Variants in APP observed in about 807,000 individuals in gnomAD.
The protein encoded by APP is amyloid-beta precursor protein.
In APP, 31 loss-of-function variants were observed where a neutral mutation model predicts 101.4. The observed-to-expected ratio is 0.31, with a 90% CI of 0.23 to 0.41. The LOEUF is 0.41. Among genes scored for constraint, APP ranks in the 10% least tolerant of loss-of-function variants. The pLI is 1.00. For missense variants in APP, 839 were observed against 1,003.7 expected (o/e 0.84, Z 2.22); for synonymous variants, 366 against 364.4 (o/e 1.00, Z -0.05).
intron 13 of APP, among the ~76,000 whole-genome samples, chr21:25,930,208 C>T (rs1322491378): frequency 2.6e-5 from 4 of 152,120 alleles, no homozygotes; most frequent in African/African-American, 4.8e-5. Context: ...TTCAGTGAGT[C>T]GTGTCCCTAA....
chr21:26,134,350 G>T (rs1169372578), intron 1 of APP, among the ~76,000 whole-genome samples: 1 of 152,196 alleles, frequency 6.6e-6, no homozygotes, highest in Non-Finnish European at 1.5e-5. Flanking sequence ...GCCCCAGGTT[G>T]TAGCCTGTGC....
At position 26,148,095 on chromosome 21, in the gene APP, CT is replaced by C. The variant is rs372914139; in HGVS notation, c.57+22468del. On this transcript the variant is annotated intron_variant, in intron 1 of 17. Transcript: ENST00000346798. ...TTTAGGAGAAGGATATTGATTCTCC[CT>C]GAGGCATGAGCATTACCCACCATTT... 2.8e-3 allele frequency among the ~76,000 whole-genome samples: 422 copies of C among 152,264 alleles called. 1 individual carries two copies. The highest frequency in any genetic ancestry group is 9.9e-3 in the African/African-American group (412 of 41,556).
At chr21:26,135,673 G>A (rs543454041) in intron 1 of APP, among the ~76,000 whole-genome samples, 3 of 152,264 alleles carry the variant, frequency 2.0e-5, no homozygotes, top group Admixed American at 6.5e-5. Context: ...TTAAATGCAA[G>A]CCCTAGCTGG....
intron 3 of APP, chr21:26,089,707 T>C (rs2061780703): frequency 2.3e-6 from 1 of 435,158 alleles, no homozygotes; most frequent in Non-Finnish European, 4.0e-6. Flanking sequence ...GCCCAGGAAT[T>C]TGTAATTTCA....
chr21:26,160,263 C>T (rs1489798397), intron 1 of APP, among the ~76,000 whole-genome samples: 1 of 152,202 alleles, frequency 6.6e-6, no homozygotes, highest in Non-Finnish European at 1.5e-5. Context: ...CTCCACAATT[C>T]AACTAGCAGC....
At chr21:25,966,470 T>C (rs1418441233) in intron 11 of APP, among the ~76,000 whole-genome samples, 1 of 152,214 alleles carries the variant, frequency 6.6e-6, no homozygotes, top group East Asian at 1.9e-4. Flanking sequence ...CCTGGCAGTC[T>C]TTCAACTTTT....
At chr21:26,123,965 T>C (rs1162559376) in intron 1 of APP, among the ~76,000 whole-genome samples, 1 of 151,774 alleles carries the variant, frequency 6.6e-6, no homozygotes, top group Non-Finnish European at 1.5e-5. Flanking sequence ...ATTTCTAGTA[T>C]ATAGAGCAAG....
At chr21:26,158,523 G>A (rs1161399310) in intron 1 of APP, among the ~76,000 whole-genome samples, 1 of 152,064 alleles carries the variant, frequency 6.6e-6, no homozygotes, top group Non-Finnish European at 1.5e-5. Context: ...GTCACTATCT[G>A]GCCCATGAGA....
At chr21:26,141,824 T>A (rs1298577398) in intron 1 of APP, among the ~76,000 whole-genome samples, 1 of 152,214 alleles carries the variant, frequency 6.6e-6, no homozygotes, top group Non-Finnish European at 1.5e-5. Context: ...TATCAACAGT[T>A]ATTACATCAA....
chr21:25,907,600 C>A (rs1459136494), intron 14 of APP, among the ~76,000 whole-genome samples: 1 of 152,196 alleles, frequency 6.6e-6, no homozygotes. Context: ...ATGAGTTATT[C>A]TCTTGCTCTC....
chr21:25,892,046 T>TAAAAAAAAAAAA, intron 16 of APP, among the ~76,000 whole-genome samples, 178 bp from the exon 17 acceptor site: 1 of 138,832 alleles, frequency 7.2e-6, no homozygotes, highest in Non-Finnish European at 1.5e-5. Context: ...ATGCTTACTT[T>TAAAAAAAAAAAA]AAAAAAAAAA....
chr21:26,077,845 T>TA (rs994450263), intron 3 of APP, among the ~76,000 whole-genome samples: 32 of 149,564 alleles, frequency 2.1e-4, no homozygotes, highest in Admixed American at 1.2e-3. Context: ...TATCAGGGGA[T>TA]ATGGAAGAGG....
At chr21:26,160,589 A>T (rs1247184260) in intron 1 of APP, among the ~76,000 whole-genome samples, 1 of 152,218 alleles carries the variant, frequency 6.6e-6, no homozygotes, top group African/African-American at 2.4e-5. Flanking sequence ...AGGTAATAGA[A>T]TTCAATATAT....
intron 1 of APP, among the ~76,000 whole-genome samples, chr21:26,154,865 G>T (rs1300119796): frequency 6.6e-6 from 1 of 152,212 alleles, no homozygotes; most frequent in East Asian, 1.9e-4. Flanking sequence ...GCAGGTTGAA[G>T]AGACTCTCCT....
intron 2 of APP, among the ~76,000 whole-genome samples, chr21:26,097,741 C>T (rs1364744685): frequency 6.6e-6 from 1 of 152,108 alleles, no homozygotes; most frequent in African/African-American, 2.4e-5. Context: ...GTCATACAGC[C>T]ATGTTTTATC....
chr21:26,122,513 A>G (rs1346739801), intron 1 of APP, among the ~76,000 whole-genome samples: 1 of 152,166 alleles, frequency 6.6e-6, no homozygotes, highest in Non-Finnish European at 1.5e-5. Flanking sequence ...ACTCTCTAGA[A>G]AGTCATTTCC....
chr21:25,994,393 T>A (rs1394712713), intron 8 of APP, among the ~76,000 whole-genome samples: 1 of 152,198 alleles, frequency 6.6e-6, no homozygotes, highest in South Asian at 2.1e-4. Flanking sequence ...CAGCCTTATA[T>A]TTGTGGTTTA....
intron 14 of APP, among the ~76,000 whole-genome samples, chr21:25,905,552 A>T (rs2038744484): frequency 6.6e-6 from 1 of 152,254 alleles, no homozygotes. Context: ...ATATGAATTT[A>T]TCAGGAGAGC....
intron 1 of APP, among the ~76,000 whole-genome samples, chr21:26,150,626 T>TAGATAGATAGATAGATAGATAGGCAGAC (rs370206066): frequency 6.7e-6 from 1 of 149,812 alleles, no homozygotes; most frequent in Non-Finnish European, 1.5e-5. Context: ...GACAGATAGA[T>TAGATAGATAGATAGATAGATAGGCAGAC]AGACAGACAG....
Sources: allele counts gnomAD v4.1 joint callset (sites outside exome capture counted in the v4.1 genomes callset), GRCh38; gene constraint gnomAD v4.1.1; transcripts MANE v1.5; gene names NCBI Gene and HGNC (gene_info 2026-07-23, HGNC 2026-07-21).